The following GIT2 variants were observed in gnomAD, a reference collection of about 807,000 sequenced individuals.
GIT2 encodes ARF GTPase-activating protein GIT2.
A neutral mutation model predicts 100.3 loss-of-function variants in GIT2; 32 were observed. The ratio of observed to expected loss-of-function variants is 0.32; its 90% CI spans 0.24 to 0.43. GIT2 has a LOEUF of 0.43. Among genes scored for constraint, GIT2 ranks in the 20% least tolerant of loss-of-function variants. The pLI is 1.00. For missense variants in GIT2, 737 were observed against 975.1 expected (o/e 0.76, Z 3.25); for synonymous variants, 353 against 364.1 (o/e 0.97, Z 0.35).
intron 16 of GIT2, chr12:109,939,894 CA>C: frequency 6.6e-6 from 1 of 152,062 alleles, no homozygotes. Context: ...AACAAACAAA[CA>C]AAAAAACATG....
intron 16 of GIT2, among the ~76,000 whole-genome samples, chr12:109,940,880 A>G (rs1160361905): frequency 4.6e-5 from 7 of 151,118 alleles, no homozygotes; most frequent in Non-Finnish European, 1.0e-4. Context: ...CCCTAACTCA[A>G]AAAACAAAAC....
At chr12:109,958,835 T>C (rs1183152451) in intron 12 of GIT2, among the ~76,000 whole-genome samples, 4 of 152,188 alleles carry the variant, frequency 2.6e-5, no homozygotes, top group Non-Finnish European at 5.9e-5. Flanking sequence ...GTAATAGGGC[T>C]GGAGAGGAAG....
chr12:109,961,584 GC>G (rs1881104432), intron 10 of GIT2, 28 bp downstream of exon 10: 3 of 1,435,332 alleles, frequency 2.1e-6, no homozygotes, highest in African/African-American at 1.4e-5. Flanking sequence ...GATAACAGAA[GC>G]TTATTAGATA....
Position 109,948,086 on chromosome 12 carries a change from A to G in GIT2, c.1393-582T>C, listed in dbSNP as rs955879427. ...ATTATGATCAACAAGTTTTTATTAC[A>G]TAATACTCTTGATATTCCAAACAAT... is the stretch of plus-strand genomic sequence containing the variant. On this transcript the variant is annotated intron_variant, in intron 14 of 19. Coordinates refer to ENST00000355312, the MANE Select transcript of GIT2 (RefSeq NM_057169.5). The surrounding 1 kb of genome is among the most constrained non-coding windows in gnomAD (Gnocchi z 4.3). 1 of 924,994 alleles carries G rather than the reference A, an allele frequency of 1.1e-6. No individual in the cohort carries two copies. The highest frequency in any genetic ancestry group is 1.8e-5 in the African/African-American group (1 of 56,048). The allele number at this position is 924,994 out of a possible 1,614,324, so 57.3% of individuals were successfully genotyped here. A position where few individuals can be genotyped will look rare whatever the true frequency, so the allele number is the denominator to read the frequency against.
chr12:109,953,277 T>C (rs1374281269), intron 12 of GIT2, 43 bp from the exon 13 acceptor site: 2 of 1,598,742 alleles, frequency 1.3e-6, no homozygotes, highest in Admixed American at 1.7e-5. Flanking sequence ...CTTAAAACAT[T>C]GCTTTTCTTC....
chr12:109,989,814 C>A lies in GIT2; in HGVS notation c.187-12G>T. 1 of 1,337,098 alleles carries A rather than the reference C, an allele frequency of 7.5e-7. No homozygotes were observed. Among genetic ancestry groups the A allele is most frequent in the Non-Finnish European group, 1.1e-6 (1 of 928,264 alleles). 82.8% of individuals were successfully genotyped at this position (1,337,098 alleles called of 1,614,324 possible). On this transcript the variant is annotated splice_polypyrimidine_tract_variant and intron_variant, in intron 2 of 19. Transcript: ENST00000355312. ...AAGGTCTCAACCATCTAAAACCAAGCAGGATGACATAAGACTTTAATTTCT... is the reference window on the plus strand; with the variant it reads ...AAGGTCTCAACCATCTAAAACCAAGAAGGATGACATAAGACTTTAATTTCT...
chr12:109,993,642 A>C (rs1327352694), intron 1 of GIT2, among the ~76,000 whole-genome samples: 2 of 152,350 alleles, frequency 1.3e-5, no homozygotes, highest in Admixed American at 6.5e-5. Context: ...ACACATAGTA[A>C]AGTAGTAATG....
Position 109,947,149 on chromosome 12 carries a change from G to T in GIT2, c.1641+107C>A. On this transcript the variant is annotated intron_variant, in intron 15 of 19. Coordinates refer to ENST00000355312, the MANE Select transcript of GIT2 (RefSeq NM_057169.5). The surrounding 1 kb of genome is among the most constrained non-coding windows in gnomAD (Gnocchi z 4.3). ...AGCAAACACAATGGTAACTCTCTTAGTCCAATTTGGCAAAGCAGAGCTGTG... is the reference window on the plus strand; with the variant it reads ...AGCAAACACAATGGTAACTCTCTTATTCCAATTTGGCAAAGCAGAGCTGTG... 1 of 1,021,906 alleles carries T rather than the reference G, an allele frequency of 9.8e-7. No homozygotes were observed. The highest frequency in any genetic ancestry group is 1.5e-6 in the Non-Finnish European group (1 of 681,950). The allele number at this position is 1,021,906 out of a possible 1,614,324, so 63.3% of individuals were successfully genotyped here. A position where few individuals can be genotyped will look rare whatever the true frequency, so the allele number is the denominator to read the frequency against.
Position 109,962,632 on chromosome 12 carries a change from G to A in GIT2, c.817-947C>T, listed in dbSNP as rs1197225615. On this transcript the variant is annotated intron_variant, in intron 9 of 19. Coordinates refer to ENST00000355312, the MANE Select transcript of GIT2 (RefSeq NM_057169.5). This position sits in a 1 kb window ranked among gnomAD's most constrained non-coding sequence, Gnocchi z 4.3. Reference sequence around the variant, plus strand: ...GTTAAGCCTCTTCTGGGGTGGCTCCGCCTCTCTCTGCACTTTCTGCCTCAT... The same window carrying A: ...GTTAAGCCTCTTCTGGGGTGGCTCCACCTCTCTCTGCACTTTCTGCCTCAT... Among the ~76,000 whole-genome samples the A allele has an allele frequency of 2.0e-5, 3 of 152,136 alleles. No homozygotes were observed. The highest frequency in any genetic ancestry group is 4.4e-5 in the Non-Finnish European group (3 of 68,004).
At chr12:109,997,893 A>T (rs766144581), upstream of GIT2, 4 of 152,198 alleles carry the variant, frequency 2.6e-5, no homozygotes, top group Non-Finnish European at 4.4e-5. Context: ...AGGAGATGTG[A>T]CCCTAATACC....
rs1166177120 is a variant in GIT2 at position 109,940,916 on chromosome 12, AG to A, written c.1732-1670del. Among the ~76,000 whole-genome samples the A allele has an allele frequency of 1.7e-4, 24 of 145,424 alleles. 3 individuals carry two copies. Among genetic ancestry groups the A allele is most frequent in the South Asian group, 4.5e-4 (2 of 4,494 alleles). ...AAAACAAAACAAAACAAAACCAAAA[AG>A]AAAAAAAAAAAAAAACCCCACAAAA... On this transcript the variant is annotated intron_variant, in intron 16 of 19. Transcript: ENST00000355312.
intron 12 of GIT2, among the ~76,000 whole-genome samples, chr12:109,956,283 G>A (rs188674992): frequency 9.8e-4 from 149 of 152,236 alleles, no homozygotes; most frequent in African/African-American, 3.4e-3. Flanking sequence ...ACGTGATCAT[G>A]GCTCACTGCA....
rs529882483 is a variant in GIT2 at position 109,955,702 on chromosome 12, C to T, written c.1100-2468G>A. Among the ~76,000 whole-genome samples the T allele has an allele frequency of 7.9e-5, 12 of 152,036 alleles. No homozygotes were observed. In the South Asian group the frequency reaches 2.1e-3, roughly 26 times the overall value. On this transcript the variant is annotated intron_variant, in intron 12 of 19. Coordinates refer to ENST00000355312, the MANE Select transcript of GIT2 (RefSeq NM_057169.5). The stretch of plus-strand genomic sequence containing the variant: ...CACTAGACAGCACTTCAGGACTATG[C>T]TTGGGGGCCACTTTTTTTCTTTTTT...
upstream of GIT2, among the ~76,000 whole-genome samples, chr12:109,996,985 G>GTGGA (rs1889522959): frequency 6.6e-6 from 1 of 151,714 alleles, no homozygotes; most frequent in Non-Finnish European, 1.5e-5. Context: ...GCCGAGGCGG[G>GTGGA]TGGATCACGA....
chr12:109,968,866 C>T (rs1017584494), intron 7 of GIT2, among the ~76,000 whole-genome samples: 1 of 152,048 alleles, frequency 6.6e-6, no homozygotes, highest in Admixed American at 6.6e-5. Flanking sequence ...GGACTACAGG[C>T]GTGCACTGCT....
Position 109,962,023 on chromosome 12 carries a change from G to A in GIT2, c.817-338C>T, listed in dbSNP as rs952895307. 2.0e-5 allele frequency among the ~76,000 whole-genome samples: 3 copies of A among 152,196 alleles called. No homozygotes were observed. The highest frequency in any genetic ancestry group is 7.2e-5 in the African/African-American group (3 of 41,442). ...AGCCTCCTTTTCTGCACTTAAAAGT[G>A]CTTATCAGTTCCCCAAAGTATAAGG... On this transcript the variant is annotated intron_variant, in intron 9 of 19. Coordinates refer to ENST00000355312, the MANE Select transcript of GIT2 (RefSeq NM_057169.5). The surrounding 1 kb of genome is among the most constrained non-coding windows in gnomAD (Gnocchi z 4.3).
Position 109,991,760 on chromosome 12 carries a change from T to C in GIT2, c.53A>G (p.Asp18Gly), listed in dbSNP as rs758994044. The stretch of plus-strand genomic sequence containing the variant: ...CCTATTTACTGATGCCCAGGAAGGA[T>C]CTGGAAAGAGAGTGAAATCTCAGTG... ...SEVCADCSGP[D>G]PSWASVNRGT... Residue 18 changes from aspartate (D) to glycine (G), a missense_variant and splice_region_variant, in exon 2 of 20, where the codon GAT becomes GGT. Asp to Gly is a moderately conservative substitution (Grantham distance 94, BLOSUM62 -1). This residue lies in a region of GIT2 where 266 missense variants were observed against 376.2 expected (regional missense o/e 0.71). Coordinates refer to ENST00000355312, the MANE Select transcript of GIT2 (RefSeq NM_057169.5). 1.2e-6 allele frequency: 2 copies of C among 1,611,410 alleles called. No homozygotes were observed. Among genetic ancestry groups the C allele is most frequent in the Non-Finnish European group, 1.7e-6 (2 of 1,178,664 alleles).
At chr12:109,982,838 G>A (rs1017138007) in intron 6 of GIT2, 1 of 151,756 alleles carries the variant, frequency 6.6e-6, no homozygotes, top group Non-Finnish European at 1.5e-5. Context: ...TAGAGACAGG[G>A]TTTCAGCATG....
At position 109,948,205 on chromosome 12, in the gene GIT2, TG is replaced by T; in HGVS notation, c.1393-702del. 1.0e-6 allele frequency: 1 copy of T among 984,992 alleles called. No homozygotes were observed. Among genetic ancestry groups the T allele is most frequent in the Non-Finnish European group, 1.2e-6 (1 of 829,476 alleles). 61.0% of individuals were successfully genotyped at this position (984,992 alleles called of 1,614,324 possible). A position where few individuals can be genotyped will look rare whatever the true frequency, so the allele number is the denominator to read the frequency against. ...ATCACGAAGAAAACTGGAAACCTAT[TG>T]ATCTATGGAATTGACATCTTCGCAT... is the stretch of plus-strand genomic sequence containing the variant. On this transcript the variant is annotated intron_variant, in intron 14 of 19. Coordinates refer to ENST00000355312, the MANE Select transcript of GIT2 (RefSeq NM_057169.5). This position sits in a 1 kb window ranked among gnomAD's most constrained non-coding sequence, Gnocchi z 4.3.
Sources: allele counts gnomAD v4.1 joint callset (sites outside exome capture counted in the v4.1 genomes callset), GRCh38; gene constraint gnomAD v4.1.1; regional missense constraint gnomAD v4.1.1; non-coding constraint Gnocchi (gnomAD v3.1); transcripts MANE v1.5; gene names NCBI Gene and HGNC (gene_info 2026-07-23, HGNC 2026-07-21).